Variants in PDK1 observed in about 807,000 individuals in gnomAD.
The protein encoded by PDK1 is [Pyruvate dehydrogenase (acetyl-transferring)] kinase isozyme 1, mitochondrial.
In PDK1, 39 loss-of-function variants were observed where a neutral mutation model predicts 54.2. The ratio of observed to expected loss-of-function variants is 0.72; its 90% confidence interval spans 0.56 to 0.94. The LOEUF (loss-of-function observed/expected upper bound fraction) is 0.94, where lower values mean the gene tolerates loss of function less well. PDK1 is among the 40% of genes least tolerant of loss of function. PDK1 has a pLI of 0.00. For missense variants in PDK1, 552 were observed against 566.0 expected (o/e 0.98, Z 0.25); for synonymous variants, 221 against 207.1 (o/e 1.07, Z -0.58).
At chr2:172,704,948 G>C in the PDK1 span, among the ~76,000 whole-genome samples, 4 of 152,080 alleles carry the variant, frequency 2.6e-5, no homozygotes, top group Non-Finnish European at 5.9e-5. Flanking sequence ...GCTCAAAGAA[G>C]AACACAAATG....
At chr2:172,578,170 G>A (rs1689677674) in intron 8 of PDK1, among the ~76,000 whole-genome samples, 1 of 152,134 alleles carries the variant, frequency 6.6e-6, no homozygotes, top group Non-Finnish European at 1.5e-5. Context: ...AGCCTCCATG[G>A]TTTGGATGAG....
At chr2:172,621,251 G>A in the PDK1 span, among the ~76,000 whole-genome samples, 1 of 152,294 alleles carries the variant, frequency 6.6e-6, no homozygotes, top group Admixed American at 6.5e-5. Flanking sequence ...GAGTCAGTGG[G>A]CTGGGAAAGG....
chr2:172,582,471 A>G (rs6721300), intron 8 of PDK1, among the ~76,000 whole-genome samples: 2,661 of 152,330 alleles, frequency 0.017, 74 homozygotes, highest in African/African-American at 0.06. Context: ...GTTAGATGAC[A>G]TTGACAAGTG....
intron 9 of PDK1, among the ~76,000 whole-genome samples, chr2:172,588,084 C>G: frequency 6.6e-6 from 1 of 152,216 alleles, no homozygotes; most frequent in East Asian, 1.9e-4. Context: ...TGCAGCTGTA[C>G]TATAGTTGAA....
At chr2:172,676,959 A>G in the PDK1 span, among the ~76,000 whole-genome samples, 3 of 152,246 alleles carry the variant, frequency 2.0e-5, no homozygotes, top group Admixed American at 6.5e-5. Context: ...ATCCACCAGC[A>G]AAAAGATTAC....
At chr2:172,617,509 C>T in the PDK1 span, among the ~76,000 whole-genome samples, 1 of 152,120 alleles carries the variant, frequency 6.6e-6, no homozygotes, top group Non-Finnish European at 1.5e-5. Context: ...CCTGGTCTCT[C>T]TGCTTCCAAG....
chr2:172,617,755 A>T, the PDK1 span, among the ~76,000 whole-genome samples: 3 of 152,200 alleles, frequency 2.0e-5, no homozygotes, highest in African/African-American at 7.2e-5. Context: ...TTCAAACCAT[A>T]GCATCCTCTG....
At chr2:172,684,588 C>A in the PDK1 span, among the ~76,000 whole-genome samples, 1 of 152,058 alleles carries the variant, frequency 6.6e-6, no homozygotes, top group Non-Finnish European at 1.5e-5. Context: ...GGATCAGTGC[C>A]CCAGTGACTT....
chr2:172,697,011 G>A, the PDK1 span, among the ~76,000 whole-genome samples: 1 of 152,020 alleles, frequency 6.6e-6, no homozygotes, highest in Non-Finnish European at 1.5e-5. Flanking sequence ...CTTAGTAAAA[G>A]CACTTACTTA....
the PDK1 span, among the ~76,000 whole-genome samples, chr2:172,653,820 C>T: frequency 6.6e-6 from 1 of 152,086 alleles, no homozygotes; most frequent in Admixed American, 6.5e-5. Flanking sequence ...AAGAAACTAC[C>T]ATCAGAGTGA....
chr2:172,684,359 T>G, the PDK1 span, among the ~76,000 whole-genome samples: 1 of 152,118 alleles, frequency 6.6e-6, no homozygotes, highest in Non-Finnish European at 1.5e-5. Flanking sequence ...GAGGTGGAGA[T>G]TGCAGTGAGC....
the PDK1 span, among the ~76,000 whole-genome samples, chr2:172,654,710 G>T: frequency 6.6e-6 from 1 of 152,090 alleles, no homozygotes; most frequent in African/African-American, 2.4e-5. Context: ...GTATACATAT[G>T]TAACAAATGT....
chr2:172,698,828 A>G, the PDK1 span, among the ~76,000 whole-genome samples: 1 of 152,208 alleles, frequency 6.6e-6, no homozygotes, highest in East Asian at 1.9e-4. Context: ...CAAGTAAATG[A>G]GAATCTCTTG....
At position 172,603,286 on chromosome 2, in the gene PDK1, A is replaced by G. The variant is rs766348088; in HGVS notation, c.*7317A>G. 2 of 152,340 alleles carry G rather than the reference A, an allele frequency of 1.3e-5. No individual in the cohort carries two copies. The highest frequency in any genetic ancestry group is 3.4e-3 in the Middle Eastern group (1 of 294). 9.4% of individuals were successfully genotyped at this position (152,340 alleles called of 1,614,324 possible). Reference sequence around the variant, plus strand: ...CTGATTCTTAGAGTACTTAAAAAAGATAAGAAGGATCTATTCCTGATATAC... The same window carrying G: ...CTGATTCTTAGAGTACTTAAAAAAGGTAAGAAGGATCTATTCCTGATATAC... On this transcript the variant is annotated 3_prime_UTR_variant, in exon 11 of 11. Transcript: ENST00000282077.
chr2:172,715,439 T>C, the PDK1 span, among the ~76,000 whole-genome samples: 1 of 152,210 alleles, frequency 6.6e-6, no homozygotes, highest in Non-Finnish European at 1.5e-5. Context: ...AAATTCCAGT[T>C]TGAAGACCAT....
chr2:172,691,073 A>T, the PDK1 span, among the ~76,000 whole-genome samples: 1 of 150,266 alleles, frequency 6.7e-6, no homozygotes, highest in East Asian at 2.1e-4. Flanking sequence ...TCTCAAAAAG[A>T]CACTGGTGAA....
At chr2:172,698,567 T>G in the PDK1 span, among the ~76,000 whole-genome samples, 40 of 152,300 alleles carry the variant, frequency 2.6e-4, no homozygotes. Context: ...GGAACTTGAG[T>G]GTGCACCACA....
At chr2:172,687,557 A>T in the PDK1 span, among the ~76,000 whole-genome samples, 1 of 151,974 alleles carries the variant, frequency 6.6e-6, no homozygotes, top group Non-Finnish European at 1.5e-5. Flanking sequence ...TTTCCCCATT[A>T]TCCATTCTAA....
chr2:172,646,251 A>ATATTTGC, the PDK1 span, among the ~76,000 whole-genome samples: 2,609 of 152,298 alleles, frequency 0.017, 74 homozygotes, highest in African/African-American at 0.059. Flanking sequence ...CTTAATTAAC[A>ATATTTGC]TATTTGCTAT....
Sources: allele counts gnomAD v4.1 joint callset (sites outside exome capture counted in the v4.1 genomes callset), GRCh38; gene constraint gnomAD v4.1.1; transcripts MANE v1.5; gene names NCBI Gene and HGNC (gene_info 2026-07-23, HGNC 2026-07-21).